LIPN: variants seen among roughly 807,000 people sequenced by gnomAD.
LIPN encodes lipase member N.
Under a neutral mutation model 43.7 loss-of-function variants are expected in LIPN, and 32 were observed. That is an observed-to-expected ratio of 0.73 (90% CI 0.55 to 0.98). The LOEUF (loss-of-function observed/expected upper bound fraction) is 0.98, where lower values mean the gene tolerates loss of function less well. Among genes scored for constraint, LIPN ranks in the 50% least tolerant of loss-of-function variants. The pLI is 0.00. For synonymous variants in LIPN, 156 were observed against 157.6 expected, an observed-to-expected ratio of 0.99 and a Z score of 0.08; for missense variants, 505 against 483.8, an observed-to-expected ratio of 1.04 and a Z score of -0.41.
chr10:88,763,843 G>GAAATTTGAATA (rs1476933860), intron 3 of LIPN, among the ~76,000 whole-genome samples: 3 of 151,948 alleles, frequency 2.0e-5, no homozygotes, highest in Non-Finnish European at 4.4e-5. Context: ...AATTTGGTGA[G>GAAATTTGAATA]GAACTAATCA....
chr10:88,764,022 A>T (rs1303550837), intron 3 of LIPN, among the ~76,000 whole-genome samples: 1 of 152,026 alleles, frequency 6.6e-6, no homozygotes, highest in Admixed American at 6.6e-5. Flanking sequence ...ACTGGGTTTG[A>T]GTCCCTGCTC....
At chr10:88,762,340 A>C in intron 3 of LIPN, 35 bp downstream of exon 3, 1 of 1,265,620 alleles carries the variant, frequency 7.9e-7, no homozygotes, top group Non-Finnish European at 1.1e-6. Context: ...AGGGGACTGC[A>C]TTGACCTCCT....
chr10:88,762,167 G>A (rs374684191), intron 2 of LIPN, 21 bp from the exon 3 acceptor site: 33 of 1,293,572 alleles, frequency 2.6e-5, no homozygotes, highest in Admixed American at 2.4e-4. Context: ...TTCCACTAAC[G>A]ACTGTATTTT....
chr10:88,772,398 G>A (rs780697013), intron 7 of LIPN, among the ~76,000 whole-genome samples: 4 of 151,802 alleles, frequency 2.6e-5, no homozygotes, highest in Non-Finnish European at 4.4e-5. Context: ...GGTCTTAAAT[G>A]TGTCTTTAAT....
In LIPN at chr10:88,778,320, G is replaced by T. The variant is rs982671572; in HGVS notation, c.*78G>T. The T allele has an allele frequency of 9.6e-7, 1 of 1,045,808 alleles. No individual in the cohort carries two copies. The highest frequency in any genetic ancestry group is 1.4e-6 in the Non-Finnish European group (1 of 707,446). 64.8% of individuals were successfully genotyped at this position (1,045,808 alleles called of 1,614,324 possible). A position where few individuals can be genotyped will look rare whatever the true frequency, so the allele number is the denominator to read the frequency against. On this transcript the variant is annotated 3_prime_UTR_variant, in exon 10 of 10. Coordinates refer to ENST00000404459, the MANE Select transcript of LIPN (RefSeq NM_001102469.2). Reference sequence around the variant, plus strand: ...TTTAGAAAAAATAGTAACCAACAATGAGGTTGTCCCCCAGCACCCTGGGGG... The same window carrying T: ...TTTAGAAAAAATAGTAACCAACAATTAGGTTGTCCCCCAGCACCCTGGGGG...
chr10:88,764,042 T>G (rs1421684556), intron 3 of LIPN, among the ~76,000 whole-genome samples: 1 of 152,048 alleles, frequency 6.6e-6, no homozygotes, highest in Non-Finnish European at 1.5e-5. Context: ...CTGGCCTTCT[T>G]ATCTGGGTGG....
intron 5 of LIPN, 85 bp downstream of exon 5, chr10:88,766,463 T>C (rs1445755109): frequency 2.4e-6 from 2 of 820,606 alleles, no homozygotes; most frequent in East Asian, 4.9e-5. Flanking sequence ...TATGTTGGAA[T>C]AAAACAACTG....
At chr10:88,759,299 C>T (rs1410380024), upstream of LIPN, among the ~76,000 whole-genome samples, 1 of 152,074 alleles carries the variant, frequency 6.6e-6, no homozygotes, top group African/African-American at 2.4e-5. Flanking sequence ...TTTTCCCTAC[C>T]CTTCTTCATG....
Position 88,762,257 on chromosome 10 carries a change from C to T in LIPN, c.178C>T (p.Leu60Phe), listed in dbSNP as rs892086434. The T allele has an allele frequency of 3.1e-6, 5 of 1,609,310 alleles. No individual in the cohort carries two copies. The highest frequency in any genetic ancestry group is 2.7e-5 in the African/African-American group (2 of 74,776). ...YEVTTEDGYILLVNRIPYGRT... is the reference protein window; with the variant it reads ...YEVTTEDGYIFLVNRIPYGRT... ...AGTCACCACTGAAGATGGGTATATA[C>T]TCCTTGTCAACAGAATTCCTTATGG... The change falls in exon 3 of 10, where the codon CTC becomes TTC. Residue 60 changes from leucine (L) to phenylalanine (F), a missense_variant. Coordinates refer to ENST00000404459, the MANE Select transcript of LIPN (RefSeq NM_001102469.2).
chr10:88,758,257 A>C (rs992471236), upstream of LIPN, among the ~76,000 whole-genome samples: 1 of 151,948 alleles, frequency 6.6e-6, no homozygotes, highest in Non-Finnish European at 1.5e-5. Context: ...AACCATCATT[A>C]AGCAGTTAGC....
At chr10:88,757,696 T>C (rs1365533760), upstream of LIPN, among the ~76,000 whole-genome samples, 5 of 152,164 alleles carry the variant, frequency 3.3e-5, no homozygotes, top group Non-Finnish European at 7.4e-5. Flanking sequence ...CTGTTTCTTG[T>C]AGTAATTATG....
At chr10:88,770,450 C>G (rs556566361) in intron 6 of LIPN, among the ~76,000 whole-genome samples, 75 of 127,132 alleles carry the variant, frequency 5.9e-4, no homozygotes, top group Admixed American at 1.8e-3. Flanking sequence ...TTGGCAAGCA[C>G]TGACTGGGCA....
At chr10:88,767,767 T>C (rs1203269415) in intron 5 of LIPN, among the ~76,000 whole-genome samples, 2 of 150,620 alleles carry the variant, frequency 1.3e-5, no homozygotes, top group Non-Finnish European at 3.0e-5. Flanking sequence ...TTGTTTGCAT[T>C]TTGGACAGAG....
chr10:88,758,089 A>G (rs1842948675), upstream of LIPN, among the ~76,000 whole-genome samples: 1 of 152,182 alleles, frequency 6.6e-6, no homozygotes, highest in Non-Finnish European at 1.5e-5. Context: ...AGGAGAAAGA[A>G]GCAATCCAAC....
chr10:88,763,023 C>T (rs994651699), intron 3 of LIPN, among the ~76,000 whole-genome samples: 3 of 151,972 alleles, frequency 2.0e-5, no homozygotes, highest in African/African-American at 7.2e-5. Context: ...TTATTGGCAG[C>T]TGCTTACCGT....
intron 9 of LIPN, among the ~76,000 whole-genome samples, 158 bp downstream of exon 9, chr10:88,775,321 A>G (rs577456875): frequency 6.6e-6 from 1 of 151,920 alleles, no homozygotes; most frequent in African/African-American, 2.4e-5. Context: ...TTATTTCAGA[A>G]AATTTATAAA....
intron 7 of LIPN, among the ~76,000 whole-genome samples, chr10:88,771,852 C>G (rs1031283655): frequency 1.3e-5 from 2 of 151,678 alleles, no homozygotes; most frequent in Admixed American, 1.3e-4. Flanking sequence ...AGTTCCTGTA[C>G]TAATTTACAT....
intron 8 of LIPN, 123 bp downstream of exon 8, chr10:88,774,667 G>T (rs1341952404): frequency 5.2e-6 from 4 of 763,090 alleles, no homozygotes; most frequent in Non-Finnish European, 8.9e-6. Context: ...GTTTGTCCTT[G>T]CTGCCTTCTG....
intron 4 of LIPN, 32 bp downstream of exon 4, chr10:88,764,640 A>T (rs1843061549): frequency 2.7e-6 from 4 of 1,470,574 alleles, no homozygotes; most frequent in Non-Finnish European, 3.7e-6. Context: ...TCAAGGGGGA[A>T]ATTGGAGGCA....
Sources: gnomAD v4.1 joint callset for allele counts (sites outside exome capture counted in the v4.1 genomes callset) on GRCh38, gnomAD v4.1.1 for gene constraint, MANE v1.5 for transcripts, NCBI Gene and HGNC (gene_info 2026-07-23, HGNC 2026-07-21) for gene names.